The following TNNI3K variants were observed in gnomAD, a reference collection of about 807,000 sequenced individuals.
TNNI3K encodes the protein TNNI3 interacting kinase, also known as serine/threonine-protein kinase TNNI3K.
A neutral mutation model predicts 114.5 loss-of-function variants in TNNI3K; 140 were observed. The observed-to-expected ratio is 1.22, with a 90% confidence interval of 1.07 to 1.41. The LOEUF (loss-of-function observed/expected upper bound fraction) is 1.41. TNNI3K is among the 40% of genes most tolerant of loss of function. The pLI, the probability that TNNI3K is intolerant of heterozygous loss-of-function variation, is 0.00. For synonymous variants in TNNI3K, 347 were observed against 347.5 expected, an observed-to-expected ratio of 1.00 and a Z score of 0.02; for missense variants, 1,125 against 1,007.6, an observed-to-expected ratio of 1.12 and a Z score of -1.58.
chr1:74,378,638 A>ATT (rs1663043544), intron 17 of TNNI3K: 1 of 130,286 alleles, frequency 7.7e-6, no homozygotes, highest in Non-Finnish European at 1.6e-5. Context: ...ATATATATAT[A>ATT]TATTTCATTT....
intron 9 of TNNI3K, among the ~76,000 whole-genome samples, chr1:74,346,720 C>T (rs1257779586): frequency 6.6e-6 from 1 of 150,614 alleles, no homozygotes; most frequent in Non-Finnish European, 1.5e-5. Flanking sequence ...AAAGAAATAC[C>T]ACAGACTGGG....
chr1:74,531,554 C>A (rs1646583789), intron 23 of TNNI3K, among the ~76,000 whole-genome samples: 1 of 152,172 alleles, frequency 6.6e-6, no homozygotes, highest in Admixed American at 6.6e-5. Context: ...TTAAATAGAT[C>A]TGTTTTCAGC....
chr1:74,521,470 C>G, intron 23 of TNNI3K, among the ~76,000 whole-genome samples: 1 of 120,824 alleles, frequency 8.3e-6, no homozygotes, highest in East Asian at 2.0e-4. Context: ...TACCTTATCT[C>G]TCTCACACAC....
rs535674104 is a variant in TNNI3K at position 74,323,116 on chromosome 1, T to G, written c.445-8334T>G. Among the ~76,000 whole-genome samples, 3 of 152,270 alleles carry G rather than the reference T, an allele frequency of 2.0e-5. No individual in the cohort carries two copies. In the East Asian group the frequency reaches 5.8e-4, roughly 29 times the overall value. On this transcript the variant is annotated intron_variant, in intron 5 of 24. Transcript: ENST00000326637. ...TTTTTTTCAGTCAAGTGCAAACAAT[T>G]ATATAATCATGGTCCTTTTTACAAA... is the stretch of plus-strand genomic sequence containing the variant.
intron 17 of TNNI3K, among the ~76,000 whole-genome samples, chr1:74,396,577 C>T (rs1356965288): frequency 6.6e-6 from 1 of 152,168 alleles, no homozygotes; most frequent in Non-Finnish European, 1.5e-5. Flanking sequence ...AGAAGGACAG[C>T]CATGACCATT....
At chr1:74,412,258 A>G (rs1199932255) in intron 17 of TNNI3K, among the ~76,000 whole-genome samples, 1 of 152,110 alleles carries the variant, frequency 6.6e-6, no homozygotes, top group African/African-American at 2.4e-5. Flanking sequence ...GTAGATTGTT[A>G]TATTAATCCC....
intron 21 of TNNI3K, among the ~76,000 whole-genome samples, chr1:74,466,250 A>G (rs1408967358): frequency 6.6e-6 from 1 of 152,222 alleles, no homozygotes; most frequent in East Asian, 1.9e-4. Context: ...TGGACACACT[A>G]TGACAAAGTT....
chr1:74,320,050 T>A (rs779638972), intron 5 of TNNI3K, among the ~76,000 whole-genome samples: 2 of 152,204 alleles, frequency 1.3e-5, no homozygotes, highest in Non-Finnish European at 2.9e-5. Context: ...CAATTATATC[T>A]TGTTCATTTC....
At chr1:74,521,398 T>C (rs1045956163) in intron 23 of TNNI3K, among the ~76,000 whole-genome samples, 50 of 152,212 alleles carry the variant, frequency 3.3e-4, no homozygotes, top group African/African-American at 1.2e-3. Flanking sequence ...ACCTGGCACA[T>C]AGTTACTGTT....
intron 21 of TNNI3K, among the ~76,000 whole-genome samples, chr1:74,486,602 A>C (rs887149819): frequency 6.7e-6 from 1 of 150,022 alleles, no homozygotes; most frequent in Non-Finnish European, 1.5e-5. Context: ...GTATGAGTTT[A>C]GAGTTCAGGA....
intron 5 of TNNI3K, among the ~76,000 whole-genome samples, chr1:74,317,879 C>T (rs1038310094): frequency 4.6e-5 from 7 of 152,194 alleles, no homozygotes; most frequent in African/African-American, 1.4e-4. Context: ...GATCAATGCG[C>T]TGCTGAGTCA....
intron 20 of TNNI3K, among the ~76,000 whole-genome samples, chr1:74,441,293 G>A (rs1335865411): frequency 1.3e-5 from 2 of 151,976 alleles, no homozygotes; most frequent in Non-Finnish European, 2.9e-5. Flanking sequence ...ATTTCTGTCC[G>A]GATAAGCTTA....
At chr1:74,452,272 T>G (rs762857791) in intron 20 of TNNI3K, among the ~76,000 whole-genome samples, 19 of 152,148 alleles carry the variant, frequency 1.2e-4, no homozygotes, top group Non-Finnish European at 2.1e-4. Context: ...GAGATTATGT[T>G]TGTGACCACA....
At chr1:74,337,710 C>T (rs898280741) in intron 7 of TNNI3K, among the ~76,000 whole-genome samples, 1 of 152,024 alleles carries the variant, frequency 6.6e-6, no homozygotes, top group Non-Finnish European at 1.5e-5. Flanking sequence ...TCTTTCCCTT[C>T]CCTTACCTCA....
At chr1:74,425,983 C>T (rs1224053285) in intron 17 of TNNI3K, among the ~76,000 whole-genome samples, 2 of 133,926 alleles carry the variant, frequency 1.5e-5, no homozygotes, top group African/African-American at 5.7e-5. Flanking sequence ...ACTGAAGAGA[C>T]GCTGAAAGGT....
At chr1:74,441,521 G>A (rs1666373302) in intron 20 of TNNI3K, among the ~76,000 whole-genome samples, 1 of 152,018 alleles carries the variant, frequency 6.6e-6, no homozygotes, top group African/African-American at 2.4e-5. Context: ...TGTTTCCATT[G>A]AATAAATGAG....
intron 9 of TNNI3K, among the ~76,000 whole-genome samples, chr1:74,347,999 T>G (rs1230890458): frequency 6.6e-6 from 1 of 152,234 alleles, no homozygotes; most frequent in Non-Finnish European, 1.5e-5. Flanking sequence ...TTCTTTAGTT[T>G]AATTAGATCC....
chr1:74,524,682 A>G (rs1646479584), intron 23 of TNNI3K, among the ~76,000 whole-genome samples: 1 of 152,170 alleles, frequency 6.6e-6, no homozygotes, highest in Admixed American at 6.5e-5. Flanking sequence ...CAAATAAAAC[A>G]CAGAAAATAA....
intron 4 of TNNI3K, among the ~76,000 whole-genome samples, chr1:74,270,557 GT>G (rs1656280404): frequency 6.6e-6 from 1 of 151,724 alleles, no homozygotes; most frequent in Non-Finnish European, 1.5e-5. Flanking sequence ...CTTTACCAAA[GT>G]TTTTTCATTT....
Sources: gnomAD v4.1 joint callset for allele counts (sites outside exome capture counted in the v4.1 genomes callset) on GRCh38, gnomAD v4.1.1 for gene constraint, MANE v1.5 for transcripts, NCBI Gene and HGNC (gene_info 2026-07-23, HGNC 2026-07-21) for gene names.